The following TASP1 variants were observed in gnomAD, a reference collection of about 807,000 sequenced individuals.
TASP1 encodes threonine aspartase 1.
A neutral mutation model predicts 56.6 loss-of-function variants in TASP1; 16 were observed. The observed-to-expected ratio is 0.28, with a 90% CI of 0.19 to 0.43. The LOEUF is 0.43. Among genes scored for constraint, TASP1 ranks in the 20% least tolerant of loss-of-function variants. The pLI is 1.00. For missense variants in TASP1, 393 were observed against 511.6 expected (o/e 0.77, Z 2.24); for synonymous variants, 179 against 184.2 (o/e 0.97, Z 0.23).
the TASP1 span, among the ~76,000 whole-genome samples, chr20:13,345,782 A>C: frequency 1.3e-5 from 2 of 151,988 alleles, no homozygotes; most frequent in African/African-American, 4.8e-5. Context: ...GGGTTTTCCT[A>C]ACTCAGCTTG....
intron 8 of TASP1, among the ~76,000 whole-genome samples, chr20:13,550,179 CACACACAG>C (rs1173490194): frequency 4.0e-5 from 6 of 150,898 alleles, no homozygotes; most frequent in African/African-American, 1.5e-4. Context: ...CACACACACA[CACACACAG>C]AGACACTGCA....
the TASP1 span, chr20:13,239,044 C>T: frequency 6.6e-6 from 1 of 152,154 alleles, no homozygotes; most frequent in African/African-American, 2.4e-5. Context: ...GCACAACATG[C>T]AATTCCGAAG....
chr20:13,364,523 C>T, the TASP1 span, among the ~76,000 whole-genome samples: 1 of 152,092 alleles, frequency 6.6e-6, no homozygotes, highest in South Asian at 2.1e-4. Flanking sequence ...CTTTTGTCCC[C>T]ATAGTGACCA....
Position 13,629,970 on chromosome 20 carries a change from T to C in TASP1, c.109A>G (p.Lys37Glu). 1 of 1,614,074 alleles carries C rather than the reference T, an allele frequency of 6.2e-7. No individual in the cohort carries two copies. The highest frequency in any genetic ancestry group is 1.1e-5 in the South Asian group (1 of 91,018). The change falls in exon 2 of 14, where the codon AAA becomes GAA. Residue 37 changes from lysine (K) to glutamate (E), a missense_variant. Lys to Glu is a moderately conservative substitution (Grantham distance 56). Transcript: ENST00000337743. Reference protein sequence around the residue: ...AKELETKQSYKEKRGGFVLVH... With the variant: ...AKELETKQSYEEKRGGFVLVH... Reference sequence around the variant, plus strand: ...AACACAAAGCCTCCTCGTTTCTCTTTATAGGACTGCTTTGTTTCCAACTCT... The same window carrying C: ...AACACAAAGCCTCCTCGTTTCTCTTCATAGGACTGCTTTGTTTCCAACTCT...
chr20:13,146,824 A>G, the TASP1 span, among the ~76,000 whole-genome samples: 1 of 152,170 alleles, frequency 6.6e-6, no homozygotes, highest in African/African-American at 2.4e-5. Context: ...TTCACGCCTC[A>G]TCATGAGCGA....
Position 13,483,313 on chromosome 20 carries a change from G to T in TASP1, c.899C>A (p.Thr300Asn). The change falls in exon 11 of 14, where the codon ACC becomes AAC. Residue 300 changes from threonine (T) to asparagine (N), a missense_variant. Thr to Asn is a moderately conservative substitution (Grantham distance 65, BLOSUM62 0). This residue lies in a region of TASP1 where 293 missense variants were observed against 354.2 expected (regional missense o/e 0.83). Transcript: ENST00000337743. ...ATGTGAACATTCTCTAGCCAGTATG[G>T]TGCGCACAAGATGCTCTCCACATCC... is the stretch of plus-strand genomic sequence containing the variant. ...TSGCGEHLVR[T>N]ILARECSHAL... 1 of 1,588,676 alleles carries T rather than the reference G, an allele frequency of 6.3e-7. No individual in the cohort carries two copies. The highest frequency in any genetic ancestry group is 1.3e-5 in the African/African-American group (1 of 74,176).
intron 4 of TASP1, among the ~76,000 whole-genome samples, chr20:13,590,252 A>C (rs1242532556): frequency 6.6e-6 from 1 of 152,090 alleles, no homozygotes; most frequent in African/African-American, 2.4e-5. Flanking sequence ...AAAAAGAAAA[A>C]TGTTCAACAT....
the TASP1 span, among the ~76,000 whole-genome samples, chr20:13,111,330 AG>A: frequency 6.6e-6 from 1 of 152,144 alleles, no homozygotes; most frequent in Admixed American, 6.5e-5. Context: ...TAGACATAGT[AG>A]TTCTCCAGGG....
At chr20:13,581,420 C>T (rs1239541889) in intron 5 of TASP1, among the ~76,000 whole-genome samples, 1 of 152,068 alleles carries the variant, frequency 6.6e-6, no homozygotes, top group Non-Finnish European at 1.5e-5. Context: ...TTATAAACAG[C>T]TTCAAATTGA....
chr20:13,315,067 T>C, the TASP1 span, among the ~76,000 whole-genome samples: 6 of 151,496 alleles, frequency 4.0e-5, no homozygotes, highest in East Asian at 1.9e-4. Context: ...GGAGAGAAAA[T>C]AGAATCACAT....
chr20:13,129,507 C>T, the TASP1 span, among the ~76,000 whole-genome samples: 1 of 152,192 alleles, frequency 6.6e-6, no homozygotes, highest in Non-Finnish European at 1.5e-5. Flanking sequence ...ACTGAATTGT[C>T]TCAGAATGAC....
chr20:13,424,889 C>A (rs1600748599), intron 12 of TASP1, among the ~76,000 whole-genome samples: 1 of 152,092 alleles, frequency 6.6e-6, no homozygotes, highest in Non-Finnish European at 1.5e-5. Context: ...AGATTTGGCA[C>A]AATTCTTCTC....
At chr20:13,302,600 T>A in the TASP1 span, among the ~76,000 whole-genome samples, 18 of 152,212 alleles carry the variant, frequency 1.2e-4, no homozygotes, top group Non-Finnish European at 1.9e-4. Context: ...GAGTAAGGAA[T>A]GAGCAAGGCC....
intron 10 of TASP1, among the ~76,000 whole-genome samples, chr20:13,488,070 A>C (rs964209163): frequency 9.9e-5 from 15 of 152,274 alleles, no homozygotes; most frequent in African/African-American, 2.9e-4. Flanking sequence ...TTAAGAGTCC[A>C]AAAGTGTAAA....
chr20:13,280,015 GCAAA>G, the TASP1 span: 7 of 985,898 alleles, frequency 7.1e-6, no homozygotes, highest in Non-Finnish European at 1.0e-5. Context: ...CTTCTGTGAG[GCAAA>G]CCTCACAAAG....
intron 5 of TASP1, among the ~76,000 whole-genome samples, chr20:13,586,989 T>C (rs1423255235): frequency 6.6e-6 from 1 of 152,160 alleles, no homozygotes; most frequent in Non-Finnish European, 1.5e-5. Flanking sequence ...ATATAGTGTG[T>C]ATTTCAAATT....
At chr20:13,511,360 G>A (rs1400887279) in intron 10 of TASP1, among the ~76,000 whole-genome samples, 1 of 152,042 alleles carries the variant, frequency 6.6e-6, no homozygotes, top group Non-Finnish European at 1.5e-5. Context: ...TGGAGCCCGT[G>A]AACAAATTAA....
chr20:13,572,163 G>A (rs1160017381), intron 6 of TASP1, among the ~76,000 whole-genome samples: 3 of 152,078 alleles, frequency 2.0e-5, no homozygotes, highest in Non-Finnish European at 2.9e-5. Context: ...GGAGATCTTC[G>A]TTTCTTCATC....
At chr20:13,587,462 G>A (rs2047348363) in intron 4 of TASP1, 92 bp from the exon 5 acceptor site, 1 of 1,078,870 alleles carries the variant, frequency 9.3e-7, no homozygotes, top group South Asian at 1.7e-5. Context: ...GCTAGAAGGT[G>A]AGAGAATACT....
Sources: gnomAD v4.1 joint callset for allele counts (sites outside exome capture counted in the v4.1 genomes callset) on GRCh38, gnomAD v4.1.1 for gene constraint, gnomAD v4.1.1 regional missense constraint, MANE v1.5 for transcripts, NCBI Gene and HGNC (gene_info 2026-07-23, HGNC 2026-07-21) for gene names.